CABCOCO1: variants seen among roughly 807,000 people sequenced by gnomAD.
CABCOCO1 encodes ciliary-associated calcium-binding coiled-coil protein 1.
Under a neutral mutation model 35.7 loss-of-function variants are expected in CABCOCO1, and 28 were observed. That is an observed-to-expected ratio of 0.78 (90% CI 0.58 to 1.07). CABCOCO1 has a LOEUF of 1.07. CABCOCO1 is among the 50% of genes least tolerant of loss of function. The pLI is 0.00. For missense variants in CABCOCO1, 326 were observed against 309.2 expected (o/e 1.05, Z -0.41); for synonymous variants, 95 against 100.1 (o/e 0.95, Z 0.30).
At chr10:61,753,674 C>A (rs1007990419) in intron 5 of CABCOCO1, among the ~76,000 whole-genome samples, 1 of 152,100 alleles carries the variant, frequency 6.6e-6, no homozygotes, top group Non-Finnish European at 1.5e-5. Context: ...AGGGGAGAGG[C>A]AGATTTTCTA....
At chr10:61,663,619 C>T (rs1839077382) in intron 1 of CABCOCO1, among the ~76,000 whole-genome samples, 1 of 151,468 alleles carries the variant, frequency 6.6e-6, no homozygotes, top group Admixed American at 6.6e-5. Flanking sequence ...AAAATCTTCT[C>T]TGGTTATGGC....
chr10:61,727,430 T>C (rs1006157613), intron 5 of CABCOCO1, among the ~76,000 whole-genome samples: 5 of 152,184 alleles, frequency 3.3e-5, no homozygotes, highest in Non-Finnish European at 7.4e-5. Flanking sequence ...ATTTGAATTG[T>C]TTTAAGTTAA....
At chr10:61,699,557 G>A (rs1367103299) in intron 5 of CABCOCO1, among the ~76,000 whole-genome samples, 1 of 151,988 alleles carries the variant, frequency 6.6e-6, no homozygotes, top group African/African-American at 2.4e-5. Context: ...TGCAGTATGA[G>A]GCTGTTCTTA....
chr10:61,680,689 ATAAC>A (rs1839747309), intron 2 of CABCOCO1, among the ~76,000 whole-genome samples: 3 of 73,378 alleles, frequency 4.1e-5, no homozygotes, highest in Non-Finnish European at 7.1e-5. Context: ...TTATACATGT[ATAAC>A]ATATATATGT....
chr10:61,702,498 TA>T (rs1460700923), intron 5 of CABCOCO1, among the ~76,000 whole-genome samples: 1 of 152,198 alleles, frequency 6.6e-6, no homozygotes, highest in Non-Finnish European at 1.5e-5. Context: ...AAAGGTCACT[TA>T]CCATAAATAT....
chr10:61,745,796 A>T (rs1345644633), intron 5 of CABCOCO1, among the ~76,000 whole-genome samples: 1 of 152,158 alleles, frequency 6.6e-6, no homozygotes, highest in Non-Finnish European at 1.5e-5. Flanking sequence ...CTTTTTTCTC[A>T]AATGTATTTC....
chr10:61,736,547 T>TGTA (rs1841420231), intron 5 of CABCOCO1, among the ~76,000 whole-genome samples: 1 of 152,182 alleles, frequency 6.6e-6, no homozygotes, highest in South Asian at 2.1e-4. Context: ...GCTGTAGCTA[T>TGTA]GTAGTATAGT....
chr10:61,759,985 T>C (rs1841972618), intron 5 of CABCOCO1, 74 bp from the exon 6 acceptor site: 6 of 1,557,966 alleles, frequency 3.9e-6, no homozygotes, highest in Non-Finnish European at 5.2e-6. Context: ...ATGGTACATA[T>C]ATAACGGAAC....
chr10:61,749,075 T>G (rs1431990167), intron 5 of CABCOCO1, among the ~76,000 whole-genome samples: 1 of 152,184 alleles, frequency 6.6e-6, no homozygotes, highest in African/African-American at 2.4e-5. Flanking sequence ...TATGTAAAAA[T>G]AATAAAAGCC....
intron 7 of CABCOCO1, among the ~76,000 whole-genome samples, chr10:61,765,705 CCA>C (rs1564560564): frequency 6.6e-6 from 1 of 152,174 alleles, no homozygotes; most frequent in East Asian, 1.9e-4. Flanking sequence ...AAATGGCTGT[CCA>C]AATACCACTT....
intron 5 of CABCOCO1, chr10:61,701,909 C>T: frequency 1.4e-6 from 1 of 690,510 alleles, no homozygotes; most frequent in Non-Finnish European, 1.8e-6. Flanking sequence ...GCATAACTCC[C>T]AGATGGCAAA....
At position 61,681,282 on chromosome 10, in the gene CABCOCO1, T is replaced by A; in HGVS notation, c.304T>A (p.Leu102Ile). ...TATTCAGTATTCAAAATTTATGACT[T>A]TACTAGCTATGTCACTTCAAAATCT... is the stretch of plus-strand genomic sequence containing the variant. ...SIIQYSKFMT[L>I]LAMSLQNLKT... Residue 102 changes from leucine (L) to isoleucine (I), a missense_variant, in exon 3 of 8, where the codon TTA becomes ATA. Leu to Ile is a conservative substitution (Grantham distance 5). Transcript: ENST00000648843. The A allele has an allele frequency of 6.4e-7, 1 of 1,567,534 alleles. No individual in the cohort carries two copies. The highest frequency in any genetic ancestry group is 8.7e-7 in the Non-Finnish European group (1 of 1,148,960).
chr10:61,720,480 C>A (rs1840977526), intron 5 of CABCOCO1, among the ~76,000 whole-genome samples: 1 of 152,078 alleles, frequency 6.6e-6, no homozygotes, highest in Non-Finnish European at 1.5e-5. Flanking sequence ...TCCCACATAT[C>A]CAGGTAATGT....
At chr10:61,713,125 C>A (rs1307421951) in intron 5 of CABCOCO1, among the ~76,000 whole-genome samples, 2 of 152,050 alleles carry the variant, frequency 1.3e-5, no homozygotes, top group African/African-American at 2.4e-5. Context: ...ATATTGATTC[C>A]TCTTATCCAT....
At chr10:61,720,702 A>G (rs1198551697) in intron 5 of CABCOCO1, among the ~76,000 whole-genome samples, 1 of 151,980 alleles carries the variant, frequency 6.6e-6, no homozygotes, top group African/African-American at 2.4e-5. Context: ...GGGGGCAGGT[A>G]ATGAGGACAA....
intron 5 of CABCOCO1, among the ~76,000 whole-genome samples, chr10:61,714,489 G>GTT (rs1027926677): frequency 6.6e-6 from 1 of 151,936 alleles, no homozygotes; most frequent in South Asian, 2.1e-4. Context: ...TTTTTGAAGG[G>GTT]TTTTTTTGTG....
At chr10:61,718,114 C>A (rs891414723) in intron 5 of CABCOCO1, among the ~76,000 whole-genome samples, 2 of 152,060 alleles carry the variant, frequency 1.3e-5, no homozygotes, top group Admixed American at 1.3e-4. Flanking sequence ...ACTAACGGAA[C>A]CTTTACTGAG....
intron 5 of CABCOCO1, among the ~76,000 whole-genome samples, chr10:61,703,852 A>G (rs1436746156): frequency 1.3e-5 from 2 of 152,148 alleles, no homozygotes; most frequent in African/African-American, 4.8e-5. Flanking sequence ...AGCTCAGCCC[A>G]AAGATGATAC....
At chr10:61,682,854 T>A in intron 3 of CABCOCO1, among the ~76,000 whole-genome samples, 1 of 150,346 alleles carries the variant, frequency 6.7e-6, no homozygotes, top group Non-Finnish European at 1.5e-5. Flanking sequence ...ACTATACACA[T>A]GTAATAGTAC....
Sources: allele counts gnomAD v4.1 joint callset (sites outside exome capture counted in the v4.1 genomes callset), GRCh38; gene constraint gnomAD v4.1.1; transcripts MANE v1.5; gene names NCBI Gene and HGNC (gene_info 2026-07-23, HGNC 2026-07-21).